Variants in DDX17 observed in about 807,000 individuals in gnomAD.
DDX17 encodes probable ATP-dependent RNA helicase DDX17.
DDX17 carries 10 observed loss-of-function variants against 80.8 expected under a neutral mutation model. The ratio of observed to expected loss-of-function variants is 0.12; its 90% CI spans 0.08 to 0.21. The LOEUF (loss-of-function observed/expected upper bound fraction) is 0.21. DDX17 is among the 10% of genes least tolerant of loss of function. The pLI, the probability that DDX17 is intolerant of heterozygous loss-of-function variation, is 1.00. For missense variants in DDX17, 586 were observed against 957.4 expected, an observed-to-expected ratio of 0.61 and a Z score of 5.12; for synonymous variants, 339 against 336.2, an observed-to-expected ratio of 1.01 and a Z score of -0.09.
At chr22:38,493,922 T>C (rs2089736757) in intron 9 of DDX17, 99 bp downstream of exon 9, 11 of 1,190,906 alleles carry the variant, frequency 9.2e-6, no homozygotes, top group East Asian at 2.3e-5. Flanking sequence ...ACTGCATGGA[T>C]AGGCATTATT....
chr22:38,493,589 C>T, intron 10 of DDX17, 121 bp downstream of exon 10: 1 of 765,490 alleles, frequency 1.3e-6, no homozygotes, highest in Non-Finnish European at 2.2e-6. Flanking sequence ...GTTTACAAAG[C>T]CAAGCATACT....
rs975640503 is a variant in DDX17 at position 38,484,690 on chromosome 22, G to A, written c.*1245C>T. 6.6e-6 allele frequency: 1 copy of A among 152,176 alleles called. No homozygotes were observed. The highest frequency in any genetic ancestry group is 1.5e-5 in the Non-Finnish European group (1 of 68,054). 9.4% of individuals were successfully genotyped at this position (152,176 alleles called of 1,614,324 possible). On this transcript the variant is annotated 3_prime_UTR_variant, in exon 13 of 13. Transcript: ENST00000403230. Reference sequence around the variant, plus strand: ...TGGTAAAACAGCATTACCATGAAGAGGATGAACTCACCTACCTTCAGATGG... The same window carrying A: ...TGGTAAAACAGCATTACCATGAAGAAGATGAACTCACCTACCTTCAGATGG...
At chr22:38,486,942 G>A (rs1362226557) in intron 12 of DDX17, among the ~76,000 whole-genome samples, 1 of 152,088 alleles carries the variant, frequency 6.6e-6, no homozygotes, top group Non-Finnish European at 1.5e-5. Flanking sequence ...GGAGATCAAG[G>A]CAGGAGGGTC....
chr22:38,504,000 TTTTCC>T (rs2089855905), intron 1 of DDX17, among the ~76,000 whole-genome samples: 1 of 152,210 alleles, frequency 6.6e-6, no homozygotes, highest in South Asian at 2.1e-4. Context: ...TAATTCACTT[TTTTCC>T]TTTCAAATAA....
intron 11 of DDX17, chr22:38,491,250 G>C (rs971634155): frequency 6.6e-6 from 1 of 152,134 alleles, no homozygotes; most frequent in African/African-American, 2.4e-5. Context: ...TATAGTATAA[G>C]GGAATAATAT....
chr22:38,495,682 A>G, intron 6 of DDX17, 114 bp downstream of exon 6: 1 of 814,468 alleles, frequency 1.2e-6, no homozygotes, highest in Non-Finnish European at 1.8e-6. Flanking sequence ...GAGAATTTCT[A>G]AGCTGCTGAA....
rs144141783 is a variant in DDX17 at position 38,494,437 on chromosome 22, C to T, written c.1214+193G>A. ...GTAATCAGCAGAGCTAAATTTCAAA[C>T]TCAAGAATTCAGAATCCTTGCATTT... On this transcript the variant is annotated intron_variant, in intron 8 of 12. Coordinates refer to ENST00000403230, the MANE Select transcript of DDX17 (RefSeq NM_006386.5). 895 of 663,502 alleles carry T rather than the reference C, an allele frequency of 1.3e-3. 11 individuals are homozygous for T. The African/African-American group carries it at 0.015, about 11-fold the overall frequency. 41.1% of individuals were successfully genotyped at this position (663,502 alleles called of 1,614,324 possible).
intron 8 of DDX17, 82 bp from the exon 9 acceptor site, chr22:38,494,213 C>A: frequency 2.1e-6 from 2 of 944,984 alleles, no homozygotes; most frequent in Non-Finnish European, 3.3e-6. Flanking sequence ...ACTCCCAAGG[C>A]TACAGTACTT....
chr22:38,505,988 C>A lies in DDX17; in HGVS notation c.250G>T (p.Gly84Cys). The A allele has an allele frequency of 1.3e-6, 2 of 1,593,458 alleles. No individual in the cohort carries two copies. The highest frequency in any genetic ancestry group is 1.7e-6 in the Non-Finnish European group (2 of 1,170,462). Residue 84 changes from glycine (G) to cysteine (C), a missense_variant, in exon 1 of 13, where the codon GGC becomes TGC. By Grantham distance (159) the Gly-to-Cys change is radical. This residue lies in a region of DDX17 where 215 missense variants were observed against 238.4 expected (regional missense o/e 0.90). Transcript: ENST00000403230. ...CGATCCCGGTCCCGGTCCCCAAAGC[C>A]TCCTCCGCGCATGGTCCCAAAAGGA...
intron 5 of DDX17, among the ~76,000 whole-genome samples, chr22:38,497,875 G>A (rs139542615): frequency 1.3e-5 from 2 of 152,316 alleles, no homozygotes; most frequent in African/African-American, 4.8e-5. Flanking sequence ...TTCTTTAAGA[G>A]TAAGACTTTG....
At chr22:38,497,804 A>T (rs956240386) in intron 5 of DDX17, among the ~76,000 whole-genome samples, 1 of 151,872 alleles carries the variant, frequency 6.6e-6, no homozygotes, top group African/African-American at 2.4e-5. Flanking sequence ...AAAAAAAACC[A>T]CACCAAAACC....
At chr22:38,500,426 A>G (rs1437386210) in intron 2 of DDX17, among the ~76,000 whole-genome samples, 1 of 150,628 alleles carries the variant, frequency 6.6e-6, no homozygotes, top group Non-Finnish European at 1.5e-5. Flanking sequence ...GCAGATCACA[A>G]GGTCAGGAGA....
Position 38,498,099 on chromosome 22 carries a change from C to T in DDX17, c.724G>A (p.Gly242Arg), listed in dbSNP as rs1433276766. 2 of 1,614,010 alleles carry T rather than the reference C, an allele frequency of 1.2e-6. No individual in the cohort carries two copies. Among genetic ancestry groups the T allele is most frequent in the Non-Finnish European group, 1.7e-6 (2 of 1,179,970 alleles). Residue 242 changes from glycine (G) to arginine (R), a missense_variant, in exon 5 of 13, where the codon GGA (glycine) becomes AGA (arginine). Transcript: ENST00000403230. ...AACACACTTACGATTGGGCCATCTCCCCTTTCCAAGTATGGCTGGTGGTTA... is the reference window on the plus strand; with the variant it reads ...AACACACTTACGATTGGGCCATCTCTCCTTTCCAAGTATGGCTGGTGGTTA...
chr22:38,486,395 T>C lies in DDX17; in HGVS notation c.1730A>G (p.Asn577Ser). 6.2e-7 allele frequency: 1 copy of C among 1,613,002 alleles called. No homozygotes were observed. Among genetic ancestry groups the C allele is most frequent in the Non-Finnish European group, 8.5e-7 (1 of 1,179,550 alleles). ...GTCACACTCATCCTGATACATCAGA[T>C]TGGGATTGTTGGCTGAAGAAGTGGT... is the stretch of plus-strand genomic sequence containing the variant. The change falls in exon 13 of 13, where the codon AAT becomes AGT. Residue 577 changes from asparagine to serine, a missense_variant. Around this residue, in one of 4 missense-constraint regions of DDX17, gnomAD observed 221 missense variants for 261.4 expected, o/e 0.85. Transcript: ENST00000403230.
rs551259440 is a variant in DDX17, at chr22:38,494,438, T to C, written c.1214+192A>G. ...TAATCAGCAGAGCTAAATTTCAAAC[T>C]CAAGAATTCAGAATCCTTGCATTTA... On this transcript the variant is annotated intron_variant, in intron 8 of 12. Coordinates refer to ENST00000403230, the MANE Select transcript of DDX17 (RefSeq NM_006386.5). 11 of 667,890 alleles carry C rather than the reference T, an allele frequency of 1.6e-5. 1 individual carries two copies. The highest frequency in any genetic ancestry group is 1.6e-4 in the African/African-American group (9 of 54,998). 41.4% of individuals were successfully genotyped at this position (667,890 alleles called of 1,614,324 possible).
In DDX17 at chr22:38,493,790, C is replaced by T. The variant is rs778916139; in HGVS notation, c.1326-19G>A. 1.2e-6 allele frequency: 2 copies of T among 1,608,318 alleles called. No homozygotes were observed. Among genetic ancestry groups the T allele is most frequent in the Non-Finnish European group, 8.5e-7 (1 of 1,176,594 alleles). ...TGGCCAACTATCAGAAGAAAAGTGA[C>T]CAATATTTTAAAAATCTTTTAAAGT... is the stretch of plus-strand genomic sequence containing the variant. On this transcript the variant is annotated intron_variant, in intron 9 of 12. Coordinates refer to ENST00000403230, the MANE Select transcript of DDX17 (RefSeq NM_006386.5).
chr22:38,492,227 T>TACTAA, intron 10 of DDX17, 112 bp from the exon 11 acceptor site: 1 of 798,624 alleles, frequency 1.3e-6, no homozygotes, highest in Non-Finnish European at 2.0e-6. Context: ...CAAGCTCTTG[T>TACTAA]AATGACTGAC....
intron 8 of DDX17, 39 bp from the exon 9 acceptor site, chr22:38,494,170 G>A (rs2089738866): frequency 3.0e-6 from 4 of 1,350,944 alleles, no homozygotes; most frequent in Non-Finnish European, 4.2e-6. Flanking sequence ...CACACAGAAA[G>A]TTATTATGTG....
intron 11 of DDX17, chr22:38,488,473 G>C (rs2089683662): frequency 8.9e-7 from 1 of 1,119,010 alleles, no homozygotes; most frequent in Non-Finnish European, 1.1e-6. Context: ...TACAAAACCA[G>C]AACATAGAAC....
Sources: allele counts gnomAD v4.1 joint callset (sites outside exome capture counted in the v4.1 genomes callset), GRCh38; gene constraint gnomAD v4.1.1; regional missense constraint gnomAD v4.1.1; transcripts MANE v1.5; gene names NCBI Gene and HGNC (gene_info 2026-07-23, HGNC 2026-07-21).